Variants in INPP4B observed in about 807,000 individuals in gnomAD.
INPP4B encodes the protein inositol polyphosphate 4-phosphatase type II.
Under a neutral mutation model 122.5 loss-of-function variants are expected in INPP4B, and 55 were observed. That is an observed-to-expected ratio of 0.45 (90% confidence interval 0.36 to 0.56). The LOEUF is 0.56. INPP4B is among the 20% of genes least tolerant of loss of function. INPP4B has a pLI of 0.00. For synonymous variants in INPP4B, 403 were observed against 388.7 expected, an observed-to-expected ratio of 1.04 and a Z score of -0.43; for missense variants, 1,000 against 1,097.7, an observed-to-expected ratio of 0.91 and a Z score of 1.26.
At chr4:142,370,770 A>G (rs912180411) in intron 7 of INPP4B, among the ~76,000 whole-genome samples, 2 of 152,064 alleles carry the variant, frequency 1.3e-5, no homozygotes, top group African/African-American at 4.8e-5. Flanking sequence ...CAAAACATCA[A>G]AGAAAAACAA....
chr4:142,285,711 T>C (rs1753342225), intron 9 of INPP4B, among the ~76,000 whole-genome samples: 1 of 151,954 alleles, frequency 6.6e-6, no homozygotes, highest in African/African-American at 2.4e-5. Context: ...CAGAGGCTGC[T>C]AGAGCCAGAG....
intron 1 of INPP4B, among the ~76,000 whole-genome samples, chr4:142,799,714 G>C (rs1443119906): frequency 6.6e-6 from 1 of 151,728 alleles, no homozygotes; most frequent in Non-Finnish European, 1.5e-5. Flanking sequence ...ACTATACATA[G>C]TGTGTTTTTA....
At chr4:142,661,743 G>C (rs1358609610) in intron 2 of INPP4B, among the ~76,000 whole-genome samples, 3 of 152,160 alleles carry the variant, frequency 2.0e-5, no homozygotes, top group Non-Finnish European at 4.4e-5. Flanking sequence ...TACTAACTAG[G>C]AAACAATGAG....
At chr4:142,065,234 AACAC>A (rs36228246) in intron 25 of INPP4B, among the ~76,000 whole-genome samples, 13,959 of 149,530 alleles carry the variant, frequency 0.093, 690 homozygotes, top group Middle Eastern at 0.11. Context: ...GAATGAGGCC[AACAC>A]ACACACACAC....
At chr4:142,030,117 C>T in intron 25 of INPP4B, 1 of 1,506,480 alleles carries the variant, frequency 6.6e-7, no homozygotes, top group Non-Finnish European at 8.9e-7. Context: ...AAAAGGAATA[C>T]AACATAAAAC....
At chr4:142,807,552 G>A (rs910985293) in intron 1 of INPP4B, among the ~76,000 whole-genome samples, 1 of 152,074 alleles carries the variant, frequency 6.6e-6, no homozygotes, top group Non-Finnish European at 1.5e-5. Context: ...CTATCAGCAG[G>A]GAGAACATAT....
At chr4:142,577,275 T>C (rs1560821305) in intron 2 of INPP4B, among the ~76,000 whole-genome samples, 2 of 152,036 alleles carry the variant, frequency 1.3e-5, no homozygotes, top group African/African-American at 2.4e-5. Flanking sequence ...TCAGTGTCTG[T>C]GGTGAAAATC....
At chr4:142,133,987 C>G (rs1250249338) in intron 18 of INPP4B, among the ~76,000 whole-genome samples, 1 of 152,192 alleles carries the variant, frequency 6.6e-6, no homozygotes, top group African/African-American at 2.4e-5. Flanking sequence ...GTCACCATTA[C>G]TATACCATGC....
At chr4:142,810,594 G>A (rs1377170095) in intron 1 of INPP4B, among the ~76,000 whole-genome samples, 1 of 151,730 alleles carries the variant, frequency 6.6e-6, no homozygotes, top group Non-Finnish European at 1.5e-5. Context: ...AGTACCTAAC[G>A]AGTGATTTCA....
intron 1 of INPP4B, among the ~76,000 whole-genome samples, chr4:142,780,972 C>G (rs1359350197): frequency 1.3e-5 from 2 of 152,128 alleles, no homozygotes; most frequent in African/African-American, 4.8e-5. Flanking sequence ...TCATTTATCT[C>G]AAGACCTTAG....
At chr4:142,710,699 AGTT>A (rs923470193) in intron 2 of INPP4B, among the ~76,000 whole-genome samples, 2 of 152,190 alleles carry the variant, frequency 1.3e-5, no homozygotes, top group African/African-American at 4.8e-5. Flanking sequence ...AATCTCAATC[AGTT>A]GTTTTTGCTT....
At chr4:142,536,570 G>C (rs1000415775) in intron 2 of INPP4B, among the ~76,000 whole-genome samples, 83 of 152,232 alleles carry the variant, frequency 5.5e-4, no homozygotes, top group African/African-American at 1.9e-3. Flanking sequence ...GCTGCACGTA[G>C]AGTGGTGTGC....
rs568319154 is a variant in INPP4B, at chr4:142,444,822, G to A, written c.-126-13437C>T. 7.9e-5 allele frequency among the ~76,000 whole-genome samples: 12 copies of A among 152,170 alleles called. No homozygotes were observed. The South Asian group carries it at 2.5e-3, about 32-fold the overall frequency. ...GCACATAAACACCATGGAAGAGTAT[G>A]CAGCCACAAAAAGAAAAAAAAGAAT... On this transcript the variant is annotated intron_variant, in intron 3 of 25. Transcript: ENST00000262992.
chr4:142,450,810 CTTTCTA>C (rs1441263382), intron 3 of INPP4B, among the ~76,000 whole-genome samples: 1 of 152,138 alleles, frequency 6.6e-6, no homozygotes, highest in African/African-American at 2.4e-5. Context: ...AGCCCTTTCT[CTTTCTA>C]TATGTCACCT....
chr4:142,459,729 G>A (rs1431043657), intron 3 of INPP4B, among the ~76,000 whole-genome samples: 2 of 152,126 alleles, frequency 1.3e-5, no homozygotes, highest in Non-Finnish European at 2.9e-5. Context: ...CCAGAGAATA[G>A]GACAATTTGG....
chr4:142,253,830 G>T (rs1328405592), intron 11 of INPP4B, among the ~76,000 whole-genome samples: 4 of 152,194 alleles, frequency 2.6e-5, no homozygotes, highest in African/African-American at 9.7e-5. Flanking sequence ...CAGCCAGGAA[G>T]CTCGAACTCG....
rs1761412757 is a variant in INPP4B at position 142,699,253 on chromosome 4, C to T, written c.-191+26586G>A. Among the ~76,000 whole-genome samples, 3 of 152,326 alleles carry T rather than the reference C, an allele frequency of 2.0e-5. No individual in the cohort carries two copies. In the South Asian group the frequency reaches 6.2e-4, roughly 32 times the overall value. On this transcript the variant is annotated intron_variant, in intron 2 of 25. Transcript: ENST00000262992. Reference sequence around the variant, plus strand: ...TAGCACAGCACAGCTCTCTCCAGCTCAGCTTGGCCCCTGACATCTACAATC... The same window carrying T: ...TAGCACAGCACAGCTCTCTCCAGCTTAGCTTGGCCCCTGACATCTACAATC...
chr4:142,458,612 A>G (rs910722051), intron 3 of INPP4B, among the ~76,000 whole-genome samples: 3 of 152,222 alleles, frequency 2.0e-5, no homozygotes, highest in Middle Eastern at 3.4e-3. Context: ...TTGCAGGAAT[A>G]AAAAAAGGAG....
chr4:142,336,694 A>T (rs1776732650), intron 7 of INPP4B, among the ~76,000 whole-genome samples: 1 of 152,234 alleles, frequency 6.6e-6, no homozygotes, highest in Non-Finnish European at 1.5e-5. Flanking sequence ...AGCCAATTGT[A>T]GCACGTTGGG....
Sources: allele counts gnomAD v4.1 joint callset (sites outside exome capture counted in the v4.1 genomes callset), GRCh38; gene constraint gnomAD v4.1.1; transcripts MANE v1.5; gene names NCBI Gene and HGNC (gene_info 2026-07-23, HGNC 2026-07-21).